Variants in MTMR14 observed in about 807,000 individuals in gnomAD.
The protein encoded by MTMR14 is myotubularin related protein 14, also known as phosphatidylinositol-3,5-bisphosphate 3-phosphatase MTMR14.
MTMR14 carries 48 observed loss-of-function variants against 86.3 expected under a neutral mutation model. That is an observed-to-expected ratio of 0.56 (90% CI 0.44 to 0.71). MTMR14 has a LOEUF of 0.71. Among genes scored for constraint, MTMR14 ranks in the 30% least tolerant of loss-of-function variants. The probability of loss-of-function intolerance (pLI) is 0.00; values close to 1 mark genes in which losing one functional copy is unlikely to be tolerated. For synonymous variants in MTMR14, 366 were observed against 326.1 expected (o/e 1.12, Z -1.32); for missense variants, 780 against 834.6 (o/e 0.93, Z 0.81).
rs1203712291 is a variant in MTMR14 at position 9,690,149 on chromosome 3, G to A, written c.1613+6G>A. 1 of 1,613,506 alleles carries A rather than the reference G, an allele frequency of 6.2e-7. No individual in the cohort carries two copies. Among genetic ancestry groups the A allele is most frequent in the Non-Finnish European group, 8.5e-7 (1 of 1,180,006 alleles). On this transcript the variant is annotated splice_donor_region_variant and intron_variant, in intron 17 of 18. Transcript: ENST00000296003. ...CTGGAGGTCCCCAAACCCAGGTGAG[G>A]AGCTCCAAAGCCCTTGCTGTTGGAA...
At position 9,688,929 on chromosome 3, in the gene MTMR14, A is replaced by C; in HGVS notation, c.1295-15A>C. Reference sequence around the variant, plus strand: ...AGAAGGTAACACGCTGACTGATGGCACTGGCTTCTTTTAGGACGAAAGGAC... The same window carrying C: ...AGAAGGTAACACGCTGACTGATGGCCCTGGCTTCTTTTAGGACGAAAGGAC... On this transcript the variant is annotated splice_polypyrimidine_tract_variant and intron_variant, in intron 15 of 18. Coordinates refer to ENST00000296003, the MANE Select transcript of MTMR14 (RefSeq NM_001077525.3). The C allele has an allele frequency of 1.9e-6, 3 of 1,613,762 alleles. No individual in the cohort carries two copies. The highest frequency in any genetic ancestry group is 2.5e-6 in the Non-Finnish European group (3 of 1,179,970).
At position 9,685,243 on chromosome 3, in the gene MTMR14, A is replaced by G; in HGVS notation, c.1160A>G (p.Glu387Gly). 1 of 1,613,972 alleles carries G rather than the reference A, an allele frequency of 6.2e-7. No individual in the cohort carries two copies. The highest frequency in any genetic ancestry group is 8.5e-7 in the Non-Finnish European group (1 of 1,179,996). ...TTGGTAGATCGGCTCAGCAAAGGGG[A>G]GGAGGTGAGTATACCACCTACGACT... The part of the protein sequence containing the change: ...HMLVDRLSKG[E>G]EIFFFCFNFL... The change falls in exon 13 of 19, where the codon GAG (glutamate) becomes GGG (glycine). Residue 387 changes from glutamate (E) to glycine (G), a missense_variant. Physicochemically the swap from Glu to Gly is moderately conservative, Grantham distance 98. Transcript: ENST00000296003.
chr3:9,693,179 C>T lies in MTMR14; in HGVS notation c.1613+3036C>T, dbSNP rs137932454. 2.0e-5 allele frequency among the ~76,000 whole-genome samples: 3 copies of T among 152,322 alleles called. No individual in the cohort carries two copies. In the East Asian group the frequency reaches 5.8e-4, roughly 29 times the overall value. On this transcript the variant is annotated intron_variant, in intron 17 of 18. Transcript: ENST00000296003. ...TTTACAGTCAGCCCTCCATATCTGTCGTTTCCACATCCATGATCAGCCAAC... is the reference window on the plus strand; with the variant it reads ...TTTACAGTCAGCCCTCCATATCTGTTGTTTCCACATCCATGATCAGCCAAC...
chr3:9,700,673 A>C (rs1428028465), intron 18 of MTMR14: 1 of 152,212 alleles, frequency 6.6e-6, no homozygotes, highest in African/African-American at 2.4e-5. Flanking sequence ...TGGAAACCAC[A>C]GTGACTGAAG....
intron 7 of MTMR14, among the ~76,000 whole-genome samples, chr3:9,674,064 T>C (rs2048722819): frequency 6.6e-6 from 1 of 152,122 alleles, no homozygotes; most frequent in South Asian, 2.1e-4. Flanking sequence ...GGTAACTCCA[T>C]AGCTGGTTTT....
chr3:9,672,842 T>A, intron 7 of MTMR14, 84 bp downstream of exon 7: 1 of 1,304,408 alleles, frequency 7.7e-7, no homozygotes, highest in Non-Finnish European at 1.1e-6. Context: ...TTAGTTACAC[T>A]GGCGCCCTGG....
At position 9,653,739 on chromosome 3, in the gene MTMR14, A is replaced by G. The variant is rs1488949327; in HGVS notation, c.278A>G (p.Glu93Gly). ...GHYPRHIVFL[E>G]YESSEKEKDT... is the part of the protein sequence containing the mutation. ...TATCCCCGGCACATCGTGTTCCTGG[A>G]GTATGAGAGTTCTGAGAAGGAGAAA... The change falls in exon 2 of 19, where the codon GAG (glutamate) becomes GGG (glycine). Residue 93 changes from glutamate (E) to glycine (G), a missense_variant. Transcript: ENST00000296003. 1.9e-6 allele frequency: 3 copies of G among 1,614,136 alleles called. No homozygotes were observed. In the East Asian group the frequency reaches 6.7e-5, roughly 36 times the overall value.
chr3:9,654,083 A>G (rs2047462796), intron 2 of MTMR14, among the ~76,000 whole-genome samples: 1 of 152,172 alleles, frequency 6.6e-6, no homozygotes. Flanking sequence ...AGTGGGAGGT[A>G]CACTGTGTAA....
rs557111666 is a variant in MTMR14 at position 9,674,627 on chromosome 3, A to C, written c.751+1869A>C. 2.0e-5 allele frequency among the ~76,000 whole-genome samples: 3 copies of C among 152,274 alleles called. No individual in the cohort carries two copies. In the South Asian group the frequency reaches 6.2e-4, roughly 32 times the overall value. On this transcript the variant is annotated intron_variant, in intron 7 of 18. Coordinates refer to ENST00000296003, the MANE Select transcript of MTMR14 (RefSeq NM_001077525.3). ...ACAGCGACACTCTGTCTCTACCAAA[A>C]ATAAAAAATAGAAAATGCTTACACT...
rs1338081923 is a variant in MTMR14, at chr3:9,688,951, G to A, written c.1302G>A (p.Lys434=). Residue 434 remains lysine (K), a synonymous_variant, in exon 16 of 19, where the codon AAG becomes AAA. Coordinates refer to ENST00000296003, the MANE Select transcript of MTMR14 (RefSeq NM_001077525.3). ...TLEDICMLRR[K]DRGSTTSLGS... Reference sequence around the variant, plus strand: ...GGCACTGGCTTCTTTTAGGACGAAAGGACCGTGGCAGCACCACCAGCCTTG... The same window carrying A: ...GGCACTGGCTTCTTTTAGGACGAAAAGACCGTGGCAGCACCACCAGCCTTG... 6.2e-7 allele frequency: 1 copy of A among 1,613,926 alleles called. No individual in the cohort carries two copies. The highest frequency in any genetic ancestry group is 1.3e-5 in the African/African-American group (1 of 74,904).
chr3:9,652,221 C>A (rs1195438532), intron 1 of MTMR14, among the ~76,000 whole-genome samples: 1 of 152,194 alleles, frequency 6.6e-6, no homozygotes, highest in African/African-American at 2.4e-5. Flanking sequence ...CTCCTCGGTG[C>A]CTCCCAAAGT....
intron 1 of MTMR14, among the ~76,000 whole-genome samples, chr3:9,653,240 A>G (rs1417853741): frequency 6.6e-6 from 1 of 152,226 alleles, no homozygotes; most frequent in East Asian, 1.9e-4. Flanking sequence ...GTCTCAAAAA[A>G]TAAATAAGAG....
Position 9,687,901 on chromosome 3 carries a change from G to A in MTMR14, c.1235+10G>A. The A allele has an allele frequency of 6.3e-7, 1 of 1,583,088 alleles. No individual in the cohort carries two copies. The highest frequency in any genetic ancestry group is 1.3e-5 in the African/African-American group (1 of 74,750). On this transcript the variant is annotated intron_variant, in intron 14 of 18. Coordinates refer to ENST00000296003, the MANE Select transcript of MTMR14 (RefSeq NM_001077525.3). ...CTCTGAAGACCCAGAGGTAAGTGGA[G>A]GCCTGCACGTGTCATGCTGGGCCAG...
intron 1 of MTMR14, among the ~76,000 whole-genome samples, chr3:9,652,591 T>A (rs1427196983): frequency 6.6e-6 from 1 of 151,940 alleles, no homozygotes; most frequent in Non-Finnish European, 1.5e-5. Flanking sequence ...CTATTAAAAA[T>A]TTTTTGTTGG....
At chr3:9,672,100 G>T (rs564363813) in intron 6 of MTMR14, among the ~76,000 whole-genome samples, 45 of 152,322 alleles carry the variant, frequency 3.0e-4, no homozygotes, top group African/African-American at 1.1e-3. Flanking sequence ...TCTCATTCCT[G>T]GGTCAGAGTG....
At chr3:9,651,641 T>G (rs2047299558) in intron 1 of MTMR14, among the ~76,000 whole-genome samples, 1 of 152,178 alleles carries the variant, frequency 6.6e-6, no homozygotes, top group Non-Finnish European at 1.5e-5. Context: ...TCGATTGAGA[T>G]AACTCACTAC....
chr3:9,661,142 A>G (rs1422867378), intron 2 of MTMR14, among the ~76,000 whole-genome samples: 2 of 152,220 alleles, frequency 1.3e-5, no homozygotes, highest in Admixed American at 1.3e-4. Flanking sequence ...GCTGTTGGCC[A>G]TATGGACTGT....
intron 7 of MTMR14, chr3:9,675,599 G>A (rs150397714): frequency 1.6e-4 from 72 of 457,370 alleles, no homozygotes; most frequent in African/African-American, 1.4e-3. Flanking sequence ...TTTCCTCCTT[G>A]AGTGAATGGC....
At chr3:9,675,778 A>G (rs2075550136) in intron 7 of MTMR14, 1 of 444,522 alleles carries the variant, frequency 2.2e-6, no homozygotes, top group Non-Finnish European at 4.6e-6. Flanking sequence ...TGAGGCCTGC[A>G]GTGTTGATTT....
Sources: allele counts gnomAD v4.1 joint callset (sites outside exome capture counted in the v4.1 genomes callset), GRCh38; gene constraint gnomAD v4.1.1; transcripts MANE v1.5; gene names NCBI Gene and HGNC (gene_info 2026-07-23, HGNC 2026-07-21).